The following MBP variants were observed in gnomAD, a reference collection of about 807,000 sequenced individuals.
MBP encodes myelin basic protein.
Under a neutral mutation model 35.8 loss-of-function variants are expected in MBP, and 16 were observed. The observed-to-expected ratio is 0.45, with a 90% CI of 0.30 to 0.68. The LOEUF is 0.68. MBP is among the 30% of genes least tolerant of loss of function. MBP has a pLI of 0.08. For synonymous variants in MBP, 143 were observed against 159.6 expected (o/e 0.90, Z 0.78); for missense variants, 380 against 404.7 (o/e 0.94, Z 0.52).
intron 4 of MBP, chr18:77,016,426 C>A (rs1040624782): frequency 2.0e-6 from 2 of 1,016,916 alleles, no homozygotes; most frequent in South Asian, 4.3e-5. Flanking sequence ...CAGGAAAAAA[C>A]GAGCATAACC....
At chr18:77,018,194 C>CATCA (rs1274809286) in intron 3 of MBP, among the ~76,000 whole-genome samples, 2 of 151,504 alleles carry the variant, frequency 1.3e-5, no homozygotes, top group South Asian at 2.1e-4. Context: ...CCCACCTACC[C>CATCA]ATCCATCCAT....
At chr18:77,001,592 T>G (rs1178277547) in intron 4 of MBP, among the ~76,000 whole-genome samples, 1 of 152,226 alleles carries the variant, frequency 6.6e-6, no homozygotes, top group African/African-American at 2.4e-5. Flanking sequence ...GGCTCACACC[T>G]GTAATCCCAG....
At chr18:77,017,289 T>C (rs769265446) in intron 3 of MBP, 21 bp from the exon 4 acceptor site, 3 of 1,501,922 alleles carry the variant, frequency 2.0e-6, no homozygotes, top group East Asian at 4.6e-5. Flanking sequence ...CAATGAGATA[T>C]GAATACGGGC....
At chr18:77,072,127 A>G (rs1188338138) in intron 2 of MBP, among the ~76,000 whole-genome samples, 1 of 152,282 alleles carries the variant, frequency 6.6e-6, no homozygotes, top group East Asian at 1.9e-4. Flanking sequence ...TTGAAGGCTC[A>G]GGATCCTGCC....
chr18:77,113,461 T>C (rs1417799419), intron 1 of MBP: 1 of 152,348 alleles, frequency 6.6e-6, no homozygotes, highest in Non-Finnish European at 1.5e-5. Flanking sequence ...GGACTGTGTG[T>C]GTGTGGGGGG....
Position 77,010,210 on chromosome 18 carries a change from C to A in MBP, c.576+6622G>T, listed in dbSNP as rs575532115. Reference sequence around the variant, plus strand: ...AAAGGAAAGTTTAGGGAAGAATTCTCTCCTCCAAAGTCTATTCTGAGGCCC... The same window carrying A: ...AAAGGAAAGTTTAGGGAAGAATTCTATCCTCCAAAGTCTATTCTGAGGCCC... On this transcript the variant is annotated intron_variant, in intron 4 of 8. Transcript: ENST00000355994. The A allele has an allele frequency of 7.4e-5, 35 of 475,254 alleles. 1 individual carries two copies. In the South Asian group the frequency reaches 8.5e-4, roughly 11 times the overall value. The allele number at this position is 475,254 out of a possible 1,614,324, so 29.4% of individuals were successfully genotyped here. A position where few individuals can be genotyped will look rare whatever the true frequency, so the allele number is the denominator to read the frequency against.
chr18:77,069,036 G>A (rs755309636), intron 2 of MBP: 9 of 479,426 alleles, frequency 1.9e-5, no homozygotes, highest in African/African-American at 1.4e-4. Flanking sequence ...TGACTTCTGC[G>A]GATTTTCCTG....
In MBP at chr18:76,980,164, T is replaced by C. The variant is rs1969097692; in HGVS notation, c.*263A>G. ...GGCCCCCTGAAGACCCACGTGCGTCTGGGGGCACATTGCGGGGGAAGGAAC... is the reference window on the plus strand; with the variant it reads ...GGCCCCCTGAAGACCCACGTGCGTCCGGGGGCACATTGCGGGGGAAGGAAC... On this transcript the variant is annotated 3_prime_UTR_variant, in exon 9 of 9. Transcript: ENST00000355994. 3.1e-6 allele frequency: 2 copies of C among 641,666 alleles called. No homozygotes were observed. Among genetic ancestry groups the C allele is most frequent in the Non-Finnish European group, 5.6e-6 (2 of 357,982 alleles). The allele number at this position is 641,666 out of a possible 1,614,324, so 39.7% of individuals were successfully genotyped here. A position where few individuals can be genotyped will look rare whatever the true frequency, so the allele number is the denominator to read the frequency against.
At chr18:77,010,092 T>C (rs1971259410) in intron 4 of MBP, 1 of 614,880 alleles carries the variant, frequency 1.6e-6, no homozygotes, top group Non-Finnish European at 2.9e-6. Context: ...GAAGAAGGCA[T>C]GTGCAGATGA....
intron 4 of MBP, among the ~76,000 whole-genome samples, chr18:77,002,574 G>A (rs367722350): frequency 1.3e-5 from 2 of 152,268 alleles, no homozygotes; most frequent in South Asian, 2.1e-4. Context: ...TTTAAAACAC[G>A]AGGTGTGATC....
chr18:77,078,365 C>T (rs1974747783), intron 2 of MBP, among the ~76,000 whole-genome samples: 1 of 152,226 alleles, frequency 6.6e-6, no homozygotes, highest in Non-Finnish European at 1.5e-5. Context: ...TTCTTGCTGT[C>T]TGATTACCCA....
chr18:77,112,089 G>T (rs1216563356), intron 1 of MBP, among the ~76,000 whole-genome samples: 3 of 151,964 alleles, frequency 2.0e-5, no homozygotes, highest in African/African-American at 7.3e-5. Context: ...CCAAAAGTAT[G>T]ATTGTAACAC....
At chr18:77,117,802 CGGGGGTCAGTGGGTTGGAGT>C (rs1976722520) in intron 1 of MBP, among the ~76,000 whole-genome samples, 2 of 9,182 alleles carry the variant, frequency 2.2e-4, no homozygotes, top group Non-Finnish European at 1.6e-4. Flanking sequence ...TGGGGTGGGA[CGGGGGTCAGTGGGTTGGAGT>C]GGGATGGGGG....
chr18:77,098,241 T>G (rs1293680097), intron 2 of MBP, among the ~76,000 whole-genome samples: 1 of 143,248 alleles, frequency 7.0e-6, no homozygotes, highest in Admixed American at 7.5e-5. Context: ...CACACAGCAC[T>G]TGCTATGTAC....
chr18:77,028,823 C>G (rs1568301389), intron 3 of MBP, among the ~76,000 whole-genome samples: 1 of 100,890 alleles, frequency 9.9e-6, no homozygotes, highest in Non-Finnish European at 2.5e-5. Flanking sequence ...ACGGGGCGGC[C>G]GGGCAGAGAC....
intron 2 of MBP, chr18:77,068,986 CT>C: frequency 2.1e-6 from 1 of 480,602 alleles, no homozygotes; most frequent in South Asian, 1.5e-5. Context: ...CTCGGGGCCT[CT>C]GACCTCACCC....
chr18:77,038,809 T>C (rs1012678667), intron 3 of MBP, among the ~76,000 whole-genome samples: 1 of 152,238 alleles, frequency 6.6e-6, no homozygotes, highest in African/African-American at 2.4e-5. Flanking sequence ...GTTAGCTTTT[T>C]ATGTAATATT....
intron 1 of MBP, among the ~76,000 whole-genome samples, chr18:77,116,392 G>A (rs1976661134): frequency 6.6e-6 from 1 of 152,216 alleles, no homozygotes; most frequent in Admixed American, 6.5e-5. Flanking sequence ...AAGGATGCTA[G>A]CAAGTGACAA....
chr18:77,061,410 G>C (rs967810083), intron 3 of MBP, among the ~76,000 whole-genome samples: 2 of 152,228 alleles, frequency 1.3e-5, no homozygotes, highest in Non-Finnish European at 2.9e-5. Context: ...ACTGTGAGGA[G>C]ATGGGAGAGT....
Sources: allele counts gnomAD v4.1 joint callset (sites outside exome capture counted in the v4.1 genomes callset), GRCh38; gene constraint gnomAD v4.1.1; transcripts MANE v1.5; gene names NCBI Gene and HGNC (gene_info 2026-07-23, HGNC 2026-07-21).